Variants in DCAF10 observed in about 807,000 individuals in gnomAD.
The protein encoded by DCAF10 is DDB1 and CUL4 associated factor 10.
Under a neutral mutation model 51.9 loss-of-function variants are expected in DCAF10, and 19 were observed. The observed-to-expected ratio is 0.37, with a 90% CI of 0.26 to 0.54. DCAF10 has a LOEUF of 0.54. Ranked by LOEUF, DCAF10 falls within the 20% of genes least tolerant of loss-of-function variation. The pLI is 0.87. For synonymous variants in DCAF10, 291 were observed against 297.1 expected, an observed-to-expected ratio of 0.98 and a Z score of 0.21; for missense variants, 510 against 730.6, an observed-to-expected ratio of 0.70 and a Z score of 3.48.
chr9:37,831,651 T>C (rs866989099), intron 2 of DCAF10, among the ~76,000 whole-genome samples: 2 of 152,220 alleles, frequency 1.3e-5, no homozygotes, highest in Non-Finnish European at 1.5e-5. Context: ...ATAAAAAACA[T>C]TGGTAGTTAC....
At chr9:37,811,349 AAATAT>A (rs1244430998) in intron 1 of DCAF10, among the ~76,000 whole-genome samples, 19 of 152,284 alleles carry the variant, frequency 1.2e-4, no homozygotes, top group African/African-American at 4.1e-4. Context: ...ATTTTTTTAA[AAATAT>A]AATATATCAT....
intron 1 of DCAF10, among the ~76,000 whole-genome samples, chr9:37,807,561 G>A (rs1829152643): frequency 6.6e-6 from 1 of 151,580 alleles, no homozygotes; most frequent in Non-Finnish European, 1.5e-5. Flanking sequence ...ATCACCTGGT[G>A]AGCATTTTTA....
rs1483566816 is a variant in DCAF10 at position 37,861,089 on chromosome 9, A to G, written c.1312-51A>G. ...CTTTTTAAAAATAAGGAATATCTGT[A>G]GCACTATTTGGGCTCTGTAACCTTG... On this transcript the variant is annotated intron_variant, in intron 6 of 6. Coordinates refer to ENST00000377724, the MANE Select transcript of DCAF10 (RefSeq NM_024345.5). This position sits in a 1 kb window ranked among gnomAD's most constrained non-coding sequence, Gnocchi z 4.9. The G allele has an allele frequency of 1.3e-6, 2 of 1,547,836 alleles. No individual in the cohort carries two copies. The highest frequency in any genetic ancestry group is 4.5e-5 in the East Asian group (2 of 44,050).
In DCAF10 at chr9:37,818,738, TTGTCTCATCAA is replaced by T. The variant is rs558935660; in HGVS notation, c.540-546_540-536del. Reference sequence around the variant, plus strand: ...TGGTTGTATATGAATTTCCCGTAAGTTGTCTCATCAATGTACATTTTTTTGGCAACCACCTT... The same window carrying T: ...TGGTTGTATATGAATTTCCCGTAAGTTGTACATTTTTTTGGCAACCACCTT... On this transcript the variant is annotated intron_variant, in intron 1 of 6. Transcript: ENST00000377724. 1.8e-3 allele frequency among the ~76,000 whole-genome samples: 271 copies of T among 152,328 alleles called. 1 individual carries two copies. Among genetic ancestry groups the T allele is most frequent in the African/African-American group, 6.2e-3 (256 of 41,576 alleles).
chr9:37,822,685 G>C (rs1374539323), intron 2 of DCAF10, among the ~76,000 whole-genome samples: 1 of 151,938 alleles, frequency 6.6e-6, no homozygotes, highest in Non-Finnish European at 1.5e-5. Flanking sequence ...CAACAAATAT[G>C]GTGCAGTGTA....
Position 37,800,995 on chromosome 9 carries a change from T to C in DCAF10, c.129T>C (p.Asp43=). The change falls in exon 1 of 7, where the codon GAT becomes GAC. Residue 43 remains aspartate, a synonymous_variant. Coordinates refer to ENST00000377724, the MANE Select transcript of DCAF10 (RefSeq NM_024345.5). The part of the protein sequence containing the change: ...GPPSPLHPGA[D]ATHPPPPARS... ...CCTCGCCACTACATCCCGGGGCTGATGCGACCCATCCCCCTCCACCCGCCC... is the reference window on the plus strand; with the variant it reads ...CCTCGCCACTACATCCCGGGGCTGACGCGACCCATCCCCCTCCACCCGCCC... 6.5e-7 allele frequency: 1 copy of C among 1,534,344 alleles called. No homozygotes were observed. The highest frequency in any genetic ancestry group is 1.9e-5 in the Admixed American group (1 of 52,968).
At chr9:37,807,459 CA>C (rs1275343548) in intron 1 of DCAF10, among the ~76,000 whole-genome samples, 3 of 151,646 alleles carry the variant, frequency 2.0e-5, no homozygotes, top group Non-Finnish European at 2.9e-5. Flanking sequence ...GCATCTGTGT[CA>C]AATAAAAGAT....
rs1262621517 is a variant in DCAF10 at position 37,800,913 on chromosome 9, G to C, written c.47G>C (p.Gly16Ala). The change falls in exon 1 of 7, where the codon GGA (glycine) becomes GCA (alanine). Residue 16 changes from glycine (G) to alanine (A), a missense_variant. Transcript: ENST00000377724. Reference protein sequence around the residue: ...PHSPGGDGSAGAGAEEPTPHE... With the variant: ...PHSPGGDGSAAAGAEEPTPHE... The stretch of plus-strand genomic sequence containing the variant: ...AGCCCTGGAGGGGACGGATCGGCCG[G>C]AGCCGGGGCTGAGGAGCCGACGCCC... The C allele has an allele frequency of 1.3e-6, 2 of 1,495,952 alleles. No homozygotes were observed. The highest frequency in any genetic ancestry group is 1.8e-6 in the Non-Finnish European group (2 of 1,130,384). 92.7% of individuals were successfully genotyped at this position (1,495,952 alleles called of 1,614,324 possible). A position where few individuals can be genotyped will look rare whatever the true frequency, so the allele number is the denominator to read the frequency against.
At chr9:37,811,665 G>GA (rs949269678) in intron 1 of DCAF10, among the ~76,000 whole-genome samples, 1 of 151,716 alleles carries the variant, frequency 6.6e-6, no homozygotes, top group Non-Finnish European at 1.5e-5. Context: ...GAATAGATGA[G>GA]AAAAAAATAT....
At chr9:37,824,730 T>C (rs1215936712) in intron 2 of DCAF10, among the ~76,000 whole-genome samples, 2 of 152,010 alleles carry the variant, frequency 1.3e-5, no homozygotes, top group African/African-American at 4.8e-5. Context: ...TATTGATATA[T>C]GTTTAGCAAT....
At position 37,861,710 on chromosome 9, in the gene DCAF10, T is replaced by G. The variant is rs1371272554; in HGVS notation, c.*202T>G. The G allele has an allele frequency of 9.5e-6, 6 of 628,960 alleles. No homozygotes were observed. Among genetic ancestry groups the G allele is most frequent in the South Asian group, 2.6e-5 (1 of 38,738 alleles). The allele number at this position is 628,960 out of a possible 1,614,324, so 39.0% of individuals were successfully genotyped here. On this transcript the variant is annotated 3_prime_UTR_variant, in exon 7 of 7. Coordinates refer to ENST00000377724, the MANE Select transcript of DCAF10 (RefSeq NM_024345.5). The surrounding 1 kb of genome is among the most constrained non-coding windows in gnomAD (Gnocchi z 4.9). Reference sequence around the variant, plus strand: ...TCTCCAAGTTAGACTCTATGCAGCATCATCTTTTGCAGCATTCCTCTGCTC... The same window carrying G: ...TCTCCAAGTTAGACTCTATGCAGCAGCATCTTTTGCAGCATTCCTCTGCTC...
chr9:37,811,222 C>T (rs1251745155), intron 1 of DCAF10, among the ~76,000 whole-genome samples: 1 of 152,114 alleles, frequency 6.6e-6, no homozygotes, highest in Non-Finnish European at 1.5e-5. Flanking sequence ...ATACTAGCTA[C>T]TCTGGAGGCT....
chr9:37,861,403 C>T lies in DCAF10; in HGVS notation c.1575C>T (p.Tyr525=). 4.3e-6 allele frequency: 7 copies of T among 1,614,202 alleles called. No homozygotes were observed. The highest frequency in any genetic ancestry group is 5.9e-6 in the Non-Finnish European group (7 of 1,180,042). ...CCCTGCGGGTGATCCGTTCTCTGTA[C>T]TCTCATAATGATGTGGTACTGACAA... ...ASPLRVIRSL[Y]SHNDVVLTTK... The change falls in exon 7 of 7, where the codon TAC becomes TAT. Residue 525 remains tyrosine (Y), a synonymous_variant. Transcript: ENST00000377724. The surrounding 1 kb of genome is among the most constrained non-coding windows in gnomAD (Gnocchi z 4.9).
At chr9:37,823,596 T>TG (rs1554686704) in intron 2 of DCAF10, among the ~76,000 whole-genome samples, 20 of 151,332 alleles carry the variant, frequency 1.3e-4, no homozygotes, top group African/African-American at 3.9e-4. Context: ...GGAGTTTTTT[T>TG]GGCGGGGGGT....
intron 3 of DCAF10, among the ~76,000 whole-genome samples, chr9:37,851,296 C>T (rs941826803): frequency 6.6e-6 from 1 of 151,968 alleles, no homozygotes; most frequent in African/African-American, 2.4e-5. Flanking sequence ...CATCCTCCTA[C>T]CTCAGCCTCT....
chr9:37,813,345 C>T (rs1218936116), intron 1 of DCAF10, among the ~76,000 whole-genome samples: 3 of 152,234 alleles, frequency 2.0e-5, no homozygotes, highest in Non-Finnish European at 4.4e-5. Context: ...ATCCTCCTGC[C>T]TTGGACTCCT....
intron 1 of DCAF10, among the ~76,000 whole-genome samples, chr9:37,812,990 T>C (rs1353376050): frequency 6.6e-6 from 1 of 152,214 alleles, no homozygotes; most frequent in Non-Finnish European, 1.5e-5. Context: ...AATAATTACG[T>C]ACTTCACTTT....
chr9:37,833,831 C>T (rs149502583), intron 2 of DCAF10, among the ~76,000 whole-genome samples: 16 of 152,326 alleles, frequency 1.1e-4, no homozygotes, highest in South Asian at 4.1e-4. Flanking sequence ...ATTTGTCTAA[C>T]GCTACATTCT....
intron 2 of DCAF10, among the ~76,000 whole-genome samples, chr9:37,821,027 C>G (rs913777895): frequency 2.0e-5 from 3 of 152,006 alleles, no homozygotes; most frequent in African/African-American, 7.2e-5. Flanking sequence ...TTTCCCTCCC[C>G]AAAGGCAACC....
Sources: allele counts gnomAD v4.1 joint callset (sites outside exome capture counted in the v4.1 genomes callset), GRCh38; gene constraint gnomAD v4.1.1; non-coding constraint Gnocchi (gnomAD v3.1); transcripts MANE v1.5; gene names NCBI Gene and HGNC (gene_info 2026-07-23, HGNC 2026-07-21).